Variants in SLC2A6 observed in about 807,000 individuals in gnomAD.
The protein encoded by SLC2A6 is solute carrier family 2, facilitated glucose transporter member 6.
SLC2A6 carries 39 observed loss-of-function variants against 47.8 expected under a neutral mutation model. The ratio of observed to expected loss-of-function variants is 0.82; its 90% CI spans 0.63 to 1.07. SLC2A6 has a LOEUF of 1.07. SLC2A6 is among the 50% of genes least tolerant of loss of function. The probability of loss-of-function intolerance (pLI) is 0.00; values close to 1 mark genes in which losing one functional copy is unlikely to be tolerated. For synonymous variants in SLC2A6, 346 were observed against 324.1 expected, an observed-to-expected ratio of 1.07 and a Z score of -0.73; for missense variants, 650 against 707.6, an observed-to-expected ratio of 0.92 and a Z score of 0.92.
chr9:133,472,977 G>T, intron 9 of SLC2A6, 128 bp downstream of exon 9: 1 of 985,448 alleles, frequency 1.0e-6, no homozygotes, highest in Non-Finnish European at 1.5e-6. Flanking sequence ...GGGGGTGTGT[G>T]CTCATCTCCT....
rs1357830993 is a variant in SLC2A6, at chr9:133,477,064, C to A, written c.433G>T (p.Ala145Ser). ...LLLGRTLTGF[A>S]GGLTAACIPV... ...ATGCAGGCAGCTGTGAGCCCCCCGG[C>A]GAAGCCCGTCAGCGTCCTTCCGAGC... Residue 145 changes from alanine to serine, a missense_variant, in exon 3 of 10, where the codon GCC becomes TCC. Ala to Ser is a moderately conservative substitution (Grantham distance 99, BLOSUM62 1). Coordinates refer to ENST00000371899, the MANE Select transcript of SLC2A6 (RefSeq NM_017585.4). 2 of 1,546,122 alleles carry A rather than the reference C, an allele frequency of 1.3e-6. No individual in the cohort carries two copies. The highest frequency in any genetic ancestry group is 4.0e-5 in the Admixed American group (2 of 49,948).
At position 133,474,944 on chromosome 9, in the gene SLC2A6, C is replaced by A; in HGVS notation, c.927+17G>T. The A allele has an allele frequency of 1.3e-6, 2 of 1,502,426 alleles. No individual in the cohort carries two copies. Among genetic ancestry groups the A allele is most frequent in the Non-Finnish European group, 8.9e-7 (1 of 1,123,904 alleles). The allele number at this position is 1,502,426 out of a possible 1,614,324, so 93.1% of individuals were successfully genotyped here. ...GGGGACCCCGTGGGTGGGCGCCGGC[C>A]GGGGCTGGGCTCTCACCAGCAGGAC... On this transcript the variant is annotated intron_variant, in intron 6 of 9. Transcript: ENST00000371899.
chr9:133,472,184 TGAA>T lies in SLC2A6; in HGVS notation c.1369-11_1369-9del. On this transcript the variant is annotated splice_polypyrimidine_tract_variant and intron_variant, in intron 9 of 9. Transcript: ENST00000371899. Reference sequence around the variant, plus strand: ...CTGGAGGCCGAAGGTGCTCTGCGGGTGAAGAGCGGGGCCGGGTCACAGGGAGAA... The same window carrying T: ...CTGGAGGCCGAAGGTGCTCTGCGGGTGAGCGGGGCCGGGTCACAGGGAGAA... 2 of 1,612,024 alleles carry T rather than the reference TGAA, an allele frequency of 1.2e-6. No homozygotes were observed. Among genetic ancestry groups the T allele is most frequent in the South Asian group, 2.2e-5 (2 of 91,066 alleles).
Position 133,471,781 on chromosome 9 carries a change from C to T in SLC2A6, c.*240G>A, listed in dbSNP as rs587754171. 3.9e-6 allele frequency: 2 copies of T among 514,276 alleles called. No individual in the cohort carries two copies. Among genetic ancestry groups the T allele is most frequent in the Non-Finnish European group, 7.0e-6 (2 of 286,708 alleles). The allele number at this position is 514,276 out of a possible 1,614,324, so 31.9% of individuals were successfully genotyped here. A position where few individuals can be genotyped will look rare whatever the true frequency, so the allele number is the denominator to read the frequency against. On this transcript the variant is annotated 3_prime_UTR_variant, in exon 10 of 10. Transcript: ENST00000371899. ...CCCTGGATGCAGGGTTGTATGCACTCCTGCGGCCCATGGCTACGTGCAGCA... is the reference window on the plus strand; with the variant it reads ...CCCTGGATGCAGGGTTGTATGCACTTCTGCGGCCCATGGCTACGTGCAGCA...
In SLC2A6 at chr9:133,473,598, C is replaced by A. The variant is rs781861582; in HGVS notation, c.1039G>T (p.Ala347Ser). 5 of 1,524,830 alleles carry A rather than the reference C, an allele frequency of 3.3e-6. No homozygotes were observed. In the African/African-American group the frequency reaches 5.5e-5, roughly 17 times the overall value. The allele number at this position is 1,524,830 out of a possible 1,614,324, so 94.5% of individuals were successfully genotyped here. Reference sequence around the variant, plus strand: ...GTCAGGTTGGCAGCAAACATGATGGCCGCTGTGGACAGACAGGTGGCCTCG... The same window carrying A: ...GTCAGGTTGGCAGCAAACATGATGGACGCTGTGGACAGACAGGTGGCCTCG... ...GRKVLLFVSA[A>S]IMFAANLTLG... Residue 347 changes from alanine (A) to serine (S), a missense_variant and splice_region_variant, in exon 8 of 10, where the codon GCC becomes TCC. Coordinates refer to ENST00000371899, the MANE Select transcript of SLC2A6 (RefSeq NM_017585.4).
At position 133,478,296 on chromosome 9, in the gene SLC2A6, A is replaced by G. The variant is rs1844035628; in HGVS notation, c.213T>C (p.Asp71=). Residue 71 remains aspartate (D), a synonymous_variant, in exon 2 of 10, where the codon GAT becomes GAC. Transcript: ENST00000371899. The part of the protein sequence containing the change: ...PVIPALERSL[D]PDLHLTKSQA... Reference sequence around the variant, plus strand: ...GGGATTTGGTCAGATGCAGGTCAGGATCCAAGGAGCGCTCCAGGGCTGGGA... The same window carrying G: ...GGGATTTGGTCAGATGCAGGTCAGGGTCCAAGGAGCGCTCCAGGGCTGGGA... The G allele has an allele frequency of 6.2e-7, 1 of 1,614,038 alleles. No individual in the cohort carries two copies. The highest frequency in any genetic ancestry group is 8.5e-7 in the Non-Finnish European group (1 of 1,179,986).
chr9:133,477,214 C>T lies in SLC2A6; in HGVS notation c.283G>A (p.Gly95Arg), dbSNP rs1554803670. 1.4e-5 allele frequency: 22 copies of T among 1,550,982 alleles called. No individual in the cohort carries two copies. Among genetic ancestry groups the T allele is most frequent in the Middle Eastern group, 3.4e-4 (2 of 5,910 alleles). ...TTGAGGATCATGGCACTCAGGCCTC[C>T]GGCCGCTGCTCCCAGGGTGAACACG... ...GSVFTLGAAA[G>R]GLSAMILNDL... is the part of the protein sequence containing the mutation. Residue 95 changes from glycine to arginine, a missense_variant, in exon 3 of 10, where the codon GGA becomes AGA. Coordinates refer to ENST00000371899, the MANE Select transcript of SLC2A6 (RefSeq NM_017585.4).
At chr9:133,473,325 T>G (rs1034031280) in intron 8 of SLC2A6, 75 bp from the exon 9 acceptor site, 22 of 1,539,906 alleles carry the variant, frequency 1.4e-5, no homozygotes, top group African/African-American at 4.1e-5. Flanking sequence ...GCTGAGCTGC[T>G]GGAGACCCCC....
Position 133,479,066 on chromosome 9 carries a change from GTCTC to G in SLC2A6, c.-11_-8del, listed in dbSNP as rs782357881. ...CCAGCAGCGGCTCCTGCATGGCCGG[GTCTC>G]TCTCGGGGCGAGCGGAGGGCGCTCA... On this transcript the variant is annotated 5_prime_UTR_variant, in exon 1 of 10. Coordinates refer to ENST00000371899, the MANE Select transcript of SLC2A6 (RefSeq NM_017585.4). The G allele has an allele frequency of 1.9e-6, 3 of 1,591,384 alleles. No individual in the cohort carries two copies. Among genetic ancestry groups the G allele is most frequent in the African/African-American group, 1.4e-5 (1 of 73,216 alleles).
rs782471827 is a variant in SLC2A6 at position 133,477,068 on chromosome 9, G to A, written c.429C>T (p.Gly143=). 2 of 1,545,844 alleles carry A rather than the reference G, an allele frequency of 1.3e-6. No individual in the cohort carries two copies. Among genetic ancestry groups the A allele is most frequent in the East Asian group, 2.4e-5 (1 of 40,908 alleles). The change falls in exon 3 of 10, where the codon GGC becomes GGT. Residue 143 remains glycine, a synonymous_variant. Coordinates refer to ENST00000371899, the MANE Select transcript of SLC2A6 (RefSeq NM_017585.4). ...AGGCAGCTGTGAGCCCCCCGGCGAA[G>A]CCCGTCAGCGTCCTTCCGAGCAGCA... ...WMLLLGRTLT[G]FAGGLTAACI... is the part of the protein sequence containing the mutation.
In SLC2A6 at chr9:133,471,967, A is replaced by C; in HGVS notation, c.*54T>G. On this transcript the variant is annotated 3_prime_UTR_variant, in exon 10 of 10. Coordinates refer to ENST00000371899, the MANE Select transcript of SLC2A6 (RefSeq NM_017585.4). ...GGTCCCAGGGTGCAGGTTTGTAGCC[A>C]ACACAGAGGCCCAGCCACTGGGGGT... The C allele has an allele frequency of 6.3e-7, 1 of 1,581,556 alleles. No individual in the cohort carries two copies.
At position 133,474,083 on chromosome 9, in the gene SLC2A6, G is replaced by T. The variant is rs781943905; in HGVS notation, c.933C>A (p.Pro311=). The T allele has an allele frequency of 1.2e-6, 2 of 1,601,984 alleles. No individual in the cohort carries two copies. Among genetic ancestry groups the T allele is most frequent in the Non-Finnish European group, 1.7e-6 (2 of 1,175,742 alleles). Residue 311 remains proline (P), a synonymous_variant, in exon 7 of 10, where the codon CCC becomes CCA. Transcript: ENST00000371899. ...IFDSTAVLLP[P]KDDAAIVGAV... ...CCCCAACGATGGCTGCGTCGTCCTT[G>T]GGGGGCTATCGGGGGGAGACCACCA... is the stretch of plus-strand genomic sequence containing the variant.
chr9:133,479,070 C>A lies in SLC2A6; in HGVS notation c.-11G>T. On this transcript the variant is annotated 5_prime_UTR_variant, in exon 1 of 10. Transcript: ENST00000371899. ...CAGCGGCTCCTGCATGGCCGGGTCT[C>A]TCTCGGGGCGAGCGGAGGGCGCTCA... 1 of 1,583,434 alleles carries A rather than the reference C, an allele frequency of 6.3e-7. No individual in the cohort carries two copies.
chr9:133,473,398 G>A lies in SLC2A6; in HGVS notation c.1222+17C>T, dbSNP rs1564465835. On this transcript the variant is annotated intron_variant, in intron 8 of 9. Coordinates refer to ENST00000371899, the MANE Select transcript of SLC2A6 (RefSeq NM_017585.4). ...CACCCAAGACAGCCTGCCCCTCTGAGCCACCACCACACCTACCCATGATGA... is the reference window on the plus strand; with the variant it reads ...CACCCAAGACAGCCTGCCCCTCTGAACCACCACCACACCTACCCATGATGA... 1.9e-6 allele frequency: 3 copies of A among 1,579,142 alleles called. No homozygotes were observed. Among genetic ancestry groups the A allele is most frequent in the Non-Finnish European group, 2.6e-6 (3 of 1,162,076 alleles).
intron 1 of SLC2A6, 29 bp from the exon 2 acceptor site, chr9:133,478,445 G>A (rs1336859025): frequency 5.6e-6 from 9 of 1,612,940 alleles, no homozygotes; most frequent in Non-Finnish European, 5.1e-6. Flanking sequence ...AAAAAGACCA[G>A]GGTCTCTGAG....
intron 3 of SLC2A6, among the ~76,000 whole-genome samples, 154 bp downstream of exon 3, chr9:133,476,881 G>C (rs1843974614): frequency 6.6e-6 from 1 of 152,238 alleles, no homozygotes; most frequent in Non-Finnish European, 1.5e-5. Flanking sequence ...TAGCTGCCCT[G>C]CTGGGGGTGA....
rs1843737660 is a variant in SLC2A6, at chr9:133,472,038, T to C, written c.1507A>G (p.Arg503Gly). 1.2e-6 allele frequency: 2 copies of C among 1,612,922 alleles called. No homozygotes were observed. Among genetic ancestry groups the C allele is most frequent in the African/African-American group, 2.7e-5 (2 of 74,974 alleles). Residue 503 changes from arginine (R) to glycine (G), a missense_variant, in exon 10 of 10, where the codon AGG (arginine) becomes GGG (glycine). By Grantham distance (125) the Arg-to-Gly change is moderately radical. Transcript: ENST00000371899. ...QIESFFRTGR[R>G]SFLR ...ACCTTGACCTAGCGCAAGAAGGACC[T>C]TCTCCCCGTGCGGAAGAAGGACTCG...
chr9:133,478,350 C>G lies in SLC2A6; in HGVS notation c.159G>C (p.Gly53=), dbSNP rs587673357. The change falls in exon 2 of 10, where the codon GGG becomes GGC. Residue 53 remains glycine, a synonymous_variant. Coordinates refer to ENST00000371899, the MANE Select transcript of SLC2A6 (RefSeq NM_017585.4). ...CAGGGGATGTGTAGACCAGGGCATA[C>G]CCAAAGCTGAAATTGCCGAGCACTG... is the stretch of plus-strand genomic sequence containing the variant. The part of the protein sequence containing the change: ...FAAVLGNFSF[G]YALVYTSPVI... The G allele has an allele frequency of 1.2e-5, 19 of 1,614,154 alleles. No individual in the cohort carries two copies. In the East Asian group the frequency reaches 1.8e-4, roughly 15 times the overall value.
intron 6 of SLC2A6, 54 bp from the exon 7 acceptor site, chr9:133,474,142 C>T (rs1230818670): frequency 7.0e-7 from 1 of 1,418,990 alleles, no homozygotes; most frequent in Non-Finnish European, 9.6e-7. Context: ...TCCCATCCCC[C>T]TCCAGGACCC....
Sources: gnomAD v4.1 joint callset for allele counts (sites outside exome capture counted in the v4.1 genomes callset) on GRCh38, gnomAD v4.1.1 for gene constraint, MANE v1.5 for transcripts, NCBI Gene and HGNC (gene_info 2026-07-23, HGNC 2026-07-21) for gene names.